Variants in SGCZ observed in about 807,000 individuals in gnomAD.
SGCZ encodes the protein sarcoglycan zeta, also known as zeta-sarcoglycan.
Under a neutral mutation model 41.3 loss-of-function variants are expected in SGCZ, and 40 were observed. The ratio of observed to expected loss-of-function variants is 0.97; its 90% CI spans 0.75 to 1.26. The LOEUF (loss-of-function observed/expected upper bound fraction) is 1.26. SGCZ is among the 50% of genes most tolerant of loss of function. The pLI is 0.00. For missense variants in SGCZ, 552 were observed against 369.8 expected (o/e 1.49, Z -4.04); for synonymous variants, 206 against 137.5 (o/e 1.50, Z -3.49).
At chr8:14,959,600 T>C (rs148311989) in intron 1 of SGCZ, among the ~76,000 whole-genome samples, 177 of 152,272 alleles carry the variant, frequency 1.2e-3, no homozygotes, top group African/African-American at 4.1e-3. Context: ...TTCTTCTCAG[T>C]ATCCACCAAC....
chr8:15,190,339 T>TTCATTCAC (rs887494420), intron 1 of SGCZ, among the ~76,000 whole-genome samples: 1 of 147,466 alleles, frequency 6.8e-6, no homozygotes, highest in Non-Finnish European at 1.5e-5. Context: ...ATTCATTTCA[T>TTCATTCAC]TCATTCATTC....
In SGCZ at chr8:14,916,211, A is replaced by G. The variant is rs564570388; in HGVS notation, c.39+321374T>C. On this transcript the variant is annotated intron_variant, in intron 1 of 7. Coordinates refer to ENST00000382080, the MANE Select transcript of SGCZ (RefSeq NM_139167.4). ...ACAAATAATCTGTGAGATTTCTACT[A>G]AAATTCTGATTTCCTATCTATTACC... Among the ~76,000 whole-genome samples the G allele has an allele frequency of 1.3e-3, 197 of 152,326 alleles. 1 individual carries two copies. Among genetic ancestry groups the G allele is most frequent in the African/African-American group, 4.5e-3 (187 of 41,578 alleles).
chr8:14,402,504 T>C (rs1468814082), intron 2 of SGCZ, among the ~76,000 whole-genome samples: 1 of 150,564 alleles, frequency 6.6e-6, no homozygotes, highest in East Asian at 1.9e-4. Context: ...GCTTTCTACC[T>C]ATGGCTAGCC....
chr8:15,107,653 TTTTG>T (rs1379168680), intron 1 of SGCZ, among the ~76,000 whole-genome samples: 1 of 152,152 alleles, frequency 6.6e-6, no homozygotes, highest in Non-Finnish European at 1.5e-5. Flanking sequence ...TAAACCTTTT[TTTTG>T]TTTGTTTATT....
At chr8:15,205,017 G>T (rs1801015390) in intron 1 of SGCZ, among the ~76,000 whole-genome samples, 1 of 152,070 alleles carries the variant, frequency 6.6e-6, no homozygotes, top group Non-Finnish European at 1.5e-5. Context: ...GTTTAAAATA[G>T]AATTTTTTCA....
chr8:14,296,142 C>T (rs1163189148), intron 3 of SGCZ, among the ~76,000 whole-genome samples: 1 of 152,082 alleles, frequency 6.6e-6, no homozygotes, highest in Non-Finnish European at 1.5e-5. Context: ...AAGCTTCAAA[C>T]TAAGACTCAA....
chr8:15,017,371 G>T lies in SGCZ; in HGVS notation c.39+220214C>A, dbSNP rs569063530. On this transcript the variant is annotated intron_variant, in intron 1 of 7. Transcript: ENST00000382080. ...CCATTCACTGCACACGTACAGTGAG[G>T]CCTGATCCACAGTGGACCTTGGTTG... 2.6e-5 allele frequency among the ~76,000 whole-genome samples: 4 copies of T among 152,262 alleles called. No homozygotes were observed. The South Asian group carries it at 8.3e-4, about 32-fold the overall frequency.
chr8:14,509,707 T>A (rs1404834490), intron 2 of SGCZ, among the ~76,000 whole-genome samples: 1 of 152,152 alleles, frequency 6.6e-6, no homozygotes, highest in Non-Finnish European at 1.5e-5. Context: ...TATAAAGAAA[T>A]ACCTGACACA....
At chr8:15,195,621 T>C (rs1324827825) in intron 1 of SGCZ, among the ~76,000 whole-genome samples, 1 of 152,188 alleles carries the variant, frequency 6.6e-6, no homozygotes, top group Non-Finnish European at 1.5e-5. Flanking sequence ...CAAATTCCAT[T>C]AGTGTGCCAC....
At position 14,369,409 on chromosome 8, in the gene SGCZ, G is replaced by C. The variant is rs73664325; in HGVS notation, c.235-45205C>G. Among the ~76,000 whole-genome samples the C allele has an allele frequency of 8.0e-4, 122 of 151,730 alleles. 1 individual carries two copies. The highest frequency in any genetic ancestry group is 2.8e-3 in the African/African-American group (115 of 41,422). ...ATCCTCATAATAAAGGCTTTTTTTG[G>C]TCTTTATCAGGAATGCCAGGAATTC... On this transcript the variant is annotated intron_variant, in intron 2 of 7. Coordinates refer to ENST00000382080, the MANE Select transcript of SGCZ (RefSeq NM_139167.4).
intron 2 of SGCZ, among the ~76,000 whole-genome samples, chr8:14,389,542 A>G (rs1804688513): frequency 6.6e-6 from 1 of 151,870 alleles, no homozygotes; most frequent in Non-Finnish European, 1.5e-5. Flanking sequence ...TGTAATGCCT[A>G]AAACAACGGA....
intron 1 of SGCZ, among the ~76,000 whole-genome samples, chr8:15,055,854 C>A (rs1292866705): frequency 1.3e-5 from 2 of 152,192 alleles, no homozygotes; most frequent in Non-Finnish European, 2.9e-5. Flanking sequence ...CCTCCCCATG[C>A]CTTTGCTGCT....
At chr8:14,489,691 T>C (rs1801785575) in intron 2 of SGCZ, among the ~76,000 whole-genome samples, 1 of 150,790 alleles carries the variant, frequency 6.6e-6, no homozygotes, top group South Asian at 2.1e-4. Flanking sequence ...ATTAAATATA[T>C]CGTAAATATA....
intron 1 of SGCZ, among the ~76,000 whole-genome samples, chr8:15,041,782 G>A (rs1804106304): frequency 6.7e-6 from 1 of 148,386 alleles, no homozygotes; most frequent in Non-Finnish European, 1.5e-5. Flanking sequence ...ACAAAAGGAT[G>A]TCAACAATTC....
chr8:14,107,681 C>T (rs1802248365), intron 6 of SGCZ, among the ~76,000 whole-genome samples: 1 of 152,052 alleles, frequency 6.6e-6, no homozygotes, highest in African/African-American at 2.4e-5. Context: ...CTGTGTTGCC[C>T]AGGCTGGAGC....
intron 1 of SGCZ, among the ~76,000 whole-genome samples, chr8:14,862,738 G>C (rs1803798821): frequency 6.6e-6 from 1 of 151,636 alleles, no homozygotes; most frequent in Admixed American, 6.6e-5. Flanking sequence ...AAGGTTCAAA[G>C]AGGCCTTTCT....
intron 2 of SGCZ, among the ~76,000 whole-genome samples, chr8:14,446,432 C>A (rs1278821506): frequency 6.6e-6 from 1 of 152,162 alleles, no homozygotes; most frequent in African/African-American, 2.4e-5. Flanking sequence ...TGGTTGGCAA[C>A]TTTGTTCCAA....
intron 2 of SGCZ, among the ~76,000 whole-genome samples, chr8:14,400,012 GC>G (rs1221512482): frequency 6.6e-6 from 1 of 151,624 alleles, no homozygotes; most frequent in Non-Finnish European, 1.5e-5. Context: ...CCCCCGTTAA[GC>G]CCCTGTTCCC....
At chr8:14,787,677 T>C (rs1306488381) in intron 1 of SGCZ, among the ~76,000 whole-genome samples, 4 of 151,864 alleles carry the variant, frequency 2.6e-5, no homozygotes, top group African/African-American at 4.8e-5. Context: ...AGAAACCCCA[T>C]CTCTACTAAA....
Sources: allele counts gnomAD v4.1 joint callset (sites outside exome capture counted in the v4.1 genomes callset), GRCh38; gene constraint gnomAD v4.1.1; transcripts MANE v1.5; gene names NCBI Gene and HGNC (gene_info 2026-07-23, HGNC 2026-07-21).